The following DAPK2 variants were observed in gnomAD, a reference collection of about 807,000 sequenced individuals.
The protein encoded by DAPK2 is death-associated protein kinase 2.
A neutral mutation model predicts 44.1 loss-of-function variants in DAPK2; 35 were observed. The observed-to-expected ratio is 0.79, with a 90% CI of 0.61 to 1.05. DAPK2 has a LOEUF of 1.05. DAPK2 is among the 50% of genes least tolerant of loss of function. The pLI is 0.00. For synonymous variants in DAPK2, 174 were observed against 182.6 expected, an observed-to-expected ratio of 0.95 and a Z score of 0.38; for missense variants, 453 against 483.2, an observed-to-expected ratio of 0.94 and a Z score of 0.59.
rs1408461156 is a variant in DAPK2 at position 63,985,492 on chromosome 15, A to G, written c.93-1738T>C. Among the ~76,000 whole-genome samples, 7 of 152,152 alleles carry G rather than the reference A, an allele frequency of 4.6e-5. No individual in the cohort carries two copies. In the South Asian group the frequency reaches 8.3e-4, roughly 18 times the overall value. On this transcript the variant is annotated intron_variant, in intron 1 of 10. Coordinates refer to ENST00000261891, the Ensembl canonical transcript of DAPK2. ...TGAGTCTCAGTGTCAAGGCAGCCAC[A>G]CGCCTCTCCTCTCCGACACCTCAAG...
chr15:64,000,270 C>A (rs2079051313), intron 1 of DAPK2, among the ~76,000 whole-genome samples: 1 of 152,076 alleles, frequency 6.6e-6, no homozygotes, highest in Admixed American at 6.6e-5. Flanking sequence ...CCCACTACAG[C>A]AAACTCCCCC....
At chr15:64,009,751 G>A (rs895885899) in intron 1 of DAPK2, among the ~76,000 whole-genome samples, 1 of 152,022 alleles carries the variant, frequency 6.6e-6, no homozygotes, top group African/African-American at 2.4e-5. Context: ...TACTGTGTTT[G>A]CCTTTCCCCC....
chr15:63,922,572 A>G (rs2079105004), intron 8 of DAPK2: 1 of 1,411,040 alleles, frequency 7.1e-7, no homozygotes, highest in African/African-American at 1.4e-5. Context: ...AGAATGAAGA[A>G]TTAACTGGCA....
intron 1 of DAPK2, among the ~76,000 whole-genome samples, chr15:64,021,987 C>A (rs2079695734): frequency 6.6e-6 from 1 of 152,168 alleles, no homozygotes; most frequent in Non-Finnish European, 1.5e-5. Flanking sequence ...AATCTGCCAG[C>A]CACTTTCCTG....
chr15:63,929,615 G>T (rs1343233193), intron 5 of DAPK2, 38 bp from the exon 7 acceptor site: 1 of 1,613,480 alleles, frequency 6.2e-7, no homozygotes, highest in African/African-American at 1.3e-5. Flanking sequence ...GGCCACCTGG[G>T]TCCCATCCCC....
chr15:63,920,483 T>C (rs1177255316), intron 8 of DAPK2: 3 of 152,114 alleles, frequency 2.0e-5, no homozygotes, highest in East Asian at 1.9e-4. Flanking sequence ...TTGGGCCTTT[T>C]TTCTTAGTGG....
intron 8 of DAPK2, chr15:63,921,130 A>G (rs781298882): frequency 6.6e-6 from 1 of 152,194 alleles, no homozygotes; most frequent in African/African-American, 2.4e-5. Context: ...AATCAGGCCT[A>G]TTTTTACTAA....
In DAPK2 at chr15:63,912,463, G is replaced by C. The variant is rs929500345; in HGVS notation, c.859-266C>G. On this transcript the variant is annotated intron_variant, in intron 8 of 10. Transcript: ENST00000261891. This position sits in a 1 kb window ranked among gnomAD's most constrained non-coding sequence, Gnocchi z 4.4. ...CTGGAGGCTCAGCAGCTCCTGAAGGGGAATAGCAGGAGGCAGGCCCTCCAA... is the reference window on the plus strand; with the variant it reads ...CTGGAGGCTCAGCAGCTCCTGAAGGCGAATAGCAGGAGGCAGGCCCTCCAA... 1.3e-5 allele frequency among the ~76,000 whole-genome samples: 2 copies of C among 152,240 alleles called. No homozygotes were observed. Among genetic ancestry groups the C allele is most frequent in the African/African-American group, 4.8e-5 (2 of 41,458 alleles).
At chr15:63,945,723 GC>G (rs1416778618) in intron 3 of DAPK2, among the ~76,000 whole-genome samples, 1 of 152,174 alleles carries the variant, frequency 6.6e-6, no homozygotes, top group African/African-American at 2.4e-5. Context: ...CTGGGCCTCA[GC>G]CCCCCAACTG....
At chr15:64,010,474 G>A (rs1468366778) in intron 1 of DAPK2, among the ~76,000 whole-genome samples, 2 of 152,116 alleles carry the variant, frequency 1.3e-5, no homozygotes, top group Non-Finnish European at 2.9e-5. Flanking sequence ...ATAGGTATAG[G>A]CATGGGGATC....
chr15:63,992,348 C>A (rs1363887335), intron 1 of DAPK2, among the ~76,000 whole-genome samples: 1 of 151,990 alleles, frequency 6.6e-6, no homozygotes, highest in Non-Finnish European at 1.5e-5. Context: ...TACCACCCAC[C>A]ACCCACCCAC....
chr15:63,974,674 C>T (rs1386817887), intron 2 of DAPK2, among the ~76,000 whole-genome samples: 2 of 152,198 alleles, frequency 1.3e-5, no homozygotes, highest in South Asian at 2.1e-4. Context: ...AGGTGCTAGA[C>T]TCTCAGCTAA....
Position 63,923,071 on chromosome 15 carries a change from C to T in DAPK2, c.858+1745G>A, listed in dbSNP as rs764003693. ...ACAGGTCATGCCGGGCGCTCTCATT[C>T]TCCTCTCGGTACCAAGCTTCCTTCT... On this transcript the variant is annotated intron_variant, in intron 8 of 10. Transcript: ENST00000261891. This position sits in a 1 kb window ranked among gnomAD's most constrained non-coding sequence, Gnocchi z 4.2. 3 of 1,535,918 alleles carry T rather than the reference C, an allele frequency of 2.0e-6. No individual in the cohort carries two copies. The highest frequency in any genetic ancestry group is 2.4e-5 in the South Asian group (2 of 84,040).
At chr15:63,934,293 G>A (rs781393687) in intron 4 of DAPK2, among the ~76,000 whole-genome samples, 159 of 112,500 alleles carry the variant, frequency 1.4e-3, no homozygotes, top group Non-Finnish European at 2.3e-3. Context: ...AGTCTTGCTC[G>A]TCACCCAGGC....
In DAPK2 at chr15:64,031,113, T is replaced by G. The variant is rs535131008; in HGVS notation, c.92+9057A>C. Among the ~76,000 whole-genome samples the G allele has an allele frequency of 8.5e-5, 13 of 152,170 alleles. 1 individual carries two copies. The highest frequency in any genetic ancestry group is 5.9e-4 in the Admixed American group (9 of 15,282). Reference sequence around the variant, plus strand: ...CTTGTTTAAAGTGTGTGACCATGAATACTTTATTTAACTTCTCTGAGCCTC... The same window carrying G: ...CTTGTTTAAAGTGTGTGACCATGAAGACTTTATTTAACTTCTCTGAGCCTC... On this transcript the variant is annotated intron_variant, in intron 1 of 10. Transcript: ENST00000261891.
chr15:63,936,591 G>A (rs2077159032), intron 4 of DAPK2, among the ~76,000 whole-genome samples: 1 of 152,102 alleles, frequency 6.6e-6, no homozygotes, highest in African/African-American at 2.4e-5. Flanking sequence ...ATGGGTGACA[G>A]AGTGAGACTC....
Position 63,911,929 on chromosome 15 carries a change from G to T in DAPK2, c.1011C>A (p.His337Gln), listed in dbSNP as rs558649459. 1.7e-5 allele frequency: 28 copies of T among 1,613,906 alleles called. No individual in the cohort carries two copies. The Admixed American group carries it at 4.7e-4, about 27-fold the overall frequency. ...CCACCAGGTCCTCATCCGGCCTCAG[G>T]TGCACCTTCTTCATCAGCGAGCGGG... The change falls in exon 10 of 11, where the codon CAC (histidine) becomes CAA (glutamine). Residue 337 changes from histidine (H) to glutamine (Q), a missense_variant. Transcript: ENST00000261891.
At chr15:64,002,063 T>C (rs1256361782) in intron 1 of DAPK2, among the ~76,000 whole-genome samples, 5 of 152,210 alleles carry the variant, frequency 3.3e-5, no homozygotes, top group African/African-American at 1.2e-4. Flanking sequence ...TTCACATGAA[T>C]CCTCTCATTT....
chr15:63,952,659 T>C (rs1367067317), intron 3 of DAPK2, among the ~76,000 whole-genome samples: 1 of 151,778 alleles, frequency 6.6e-6, no homozygotes, highest in Non-Finnish European at 1.5e-5. Context: ...TTTTTATTTA[T>C]TTTTTTATTT....
Sources: allele counts gnomAD v4.1 joint callset (sites outside exome capture counted in the v4.1 genomes callset), GRCh38; gene constraint gnomAD v4.1.1; non-coding constraint Gnocchi (gnomAD v3.1); transcripts MANE v1.5; gene names NCBI Gene and HGNC (gene_info 2026-07-23, HGNC 2026-07-21).